CNTN4: variants seen among roughly 807,000 people sequenced by gnomAD.
CNTN4 encodes contactin 4.
In CNTN4, 77 loss-of-function variants were observed where a neutral mutation model predicts 122.5. The observed-to-expected ratio is 0.63, with a 90% CI of 0.52 to 0.76. The LOEUF is 0.76. Among genes scored for constraint, CNTN4 ranks in the 30% least tolerant of loss-of-function variants. CNTN4 has a pLI of 0.00. For missense variants in CNTN4, 1,256 were observed against 1,259.1 expected (o/e 1.00, Z 0.04); for synonymous variants, 512 against 447.0 (o/e 1.15, Z -1.83).
At chr3:2,119,343 T>G (rs1293584091) in intron 2 of CNTN4, among the ~76,000 whole-genome samples, 2 of 152,244 alleles carry the variant, frequency 1.3e-5, no homozygotes. Flanking sequence ...GTTTTGTTTC[T>G]GTGGAGAACC....
chr3:2,285,523 A>T (rs2041870965), intron 2 of CNTN4, among the ~76,000 whole-genome samples: 1 of 152,050 alleles, frequency 6.6e-6, no homozygotes. Context: ...ATATTTAAGT[A>T]TTCTGCTATG....
intron 3 of CNTN4, among the ~76,000 whole-genome samples, chr3:2,524,653 T>C (rs762209363): frequency 3.9e-5 from 6 of 152,154 alleles, no homozygotes; most frequent in Non-Finnish European, 8.8e-5. Flanking sequence ...CTTATTTTTT[T>C]AGTCTCTATA....
chr3:2,858,314 C>G (rs1367096380), intron 7 of CNTN4, among the ~76,000 whole-genome samples: 1 of 152,230 alleles, frequency 6.6e-6, no homozygotes, highest in African/African-American at 2.4e-5. Context: ...ACAAGCCTTT[C>G]CAGTGATTGT....
At chr3:2,832,958 A>T (rs1395606689) in intron 7 of CNTN4, among the ~76,000 whole-genome samples, 2 of 151,574 alleles carry the variant, frequency 1.3e-5, no homozygotes, top group Admixed American at 1.3e-4. Flanking sequence ...TATGTAAATG[A>T]ATAATAAAAT....
chr3:2,432,187 C>G (rs779178318), intron 3 of CNTN4, among the ~76,000 whole-genome samples: 1 of 152,214 alleles, frequency 6.6e-6, no homozygotes, highest in Non-Finnish European at 1.5e-5. Context: ...AACTAAACAT[C>G]TGCCATTGCC....
At chr3:2,575,404 G>A (rs1028452771) in intron 4 of CNTN4, among the ~76,000 whole-genome samples, 3 of 151,934 alleles carry the variant, frequency 2.0e-5, no homozygotes, top group Non-Finnish European at 4.4e-5. Flanking sequence ...TCAGCTGCTC[G>A]GGAGGCTGAG....
At position 2,467,419 on chromosome 3, in the gene CNTN4, G is replaced by A. The variant is rs530197897; in HGVS notation, c.-88-103997G>A. Among the ~76,000 whole-genome samples, 5 of 152,222 alleles carry A rather than the reference G, an allele frequency of 3.3e-5. No individual in the cohort carries two copies. In the South Asian group the frequency reaches 1.0e-3, roughly 32 times the overall value. ...TCAACATATTTTTTGGTAAGTCACA[G>A]CAAAATTGAGTTACATGTGTGAAAT... On this transcript the variant is annotated intron_variant, in intron 3 of 24. Transcript: ENST00000418658.
chr3:2,243,260 G>C (rs1435078918), intron 2 of CNTN4, among the ~76,000 whole-genome samples: 1 of 152,106 alleles, frequency 6.6e-6, no homozygotes, highest in African/African-American at 2.4e-5. Context: ...ACTTTACTTT[G>C]TAACTGTATG....
intron 2 of CNTN4, among the ~76,000 whole-genome samples, chr3:2,147,112 C>G (rs1049806278): frequency 6.6e-6 from 1 of 152,110 alleles, no homozygotes; most frequent in African/African-American, 2.4e-5. Flanking sequence ...ATCTCTTGAC[C>G]TCGTGATCCA....
At chr3:2,616,934 C>T (rs878957960) in intron 4 of CNTN4, among the ~76,000 whole-genome samples, 13 of 152,094 alleles carry the variant, frequency 8.5e-5, no homozygotes, top group African/African-American at 2.9e-4. Context: ...AACTGGCTAG[C>T]CATACGCAGA....
At chr3:2,705,287 G>A (rs1427948929) in intron 4 of CNTN4, among the ~76,000 whole-genome samples, 1 of 144,276 alleles carries the variant, frequency 6.9e-6, no homozygotes, top group South Asian at 2.1e-4. Flanking sequence ...AGAATGGCGG[G>A]AACCTAGGAG....
intron 2 of CNTN4, among the ~76,000 whole-genome samples, chr3:2,187,627 G>GT (rs1170739089): frequency 6.6e-6 from 1 of 152,160 alleles, no homozygotes; most frequent in Non-Finnish European, 1.5e-5. Context: ...TTCCGTCTTA[G>GT]TTGTAGTGTG....
At chr3:2,779,427 G>A (rs112721834) in intron 6 of CNTN4, among the ~76,000 whole-genome samples, 6,127 of 152,182 alleles carry the variant, frequency 0.04, 372 homozygotes, top group African/African-American at 0.13. Flanking sequence ...TTGAATTCCT[G>A]GGCTCAAGCA....
intron 4 of CNTN4, among the ~76,000 whole-genome samples, chr3:2,644,437 CTCTTG>C (rs1338737059): frequency 6.6e-6 from 1 of 152,088 alleles, no homozygotes; most frequent in Non-Finnish European, 1.5e-5. Flanking sequence ...TTCAGAAACT[CTCTTG>C]AGTCTCAGAG....
At chr3:2,451,568 A>G (rs887156154) in intron 3 of CNTN4, among the ~76,000 whole-genome samples, 1 of 151,834 alleles carries the variant, frequency 6.6e-6, no homozygotes, top group Admixed American at 6.6e-5. Flanking sequence ...TTAAGGAATT[A>G]CCAGTTTTTT....
At chr3:2,479,616 G>A (rs1186752820) in intron 3 of CNTN4, among the ~76,000 whole-genome samples, 2 of 152,192 alleles carry the variant, frequency 1.3e-5, no homozygotes, top group Non-Finnish European at 2.9e-5. Flanking sequence ...GTGAGGAACT[G>A]GGGGAGGGAC....
At chr3:2,463,124 G>C (rs552001791) in intron 3 of CNTN4, among the ~76,000 whole-genome samples, 1 of 152,028 alleles carries the variant, frequency 6.6e-6, no homozygotes, top group South Asian at 2.1e-4. Context: ...GACTAAAAGT[G>C]TCTTGTCCAA....
chr3:2,793,881 G>T (rs2092089413), intron 6 of CNTN4, among the ~76,000 whole-genome samples: 1 of 152,130 alleles, frequency 6.6e-6, no homozygotes, highest in Non-Finnish European at 1.5e-5. Context: ...CCATTCCTAT[G>T]AAAGAATCTT....
At chr3:2,384,894 C>A (rs2046186071) in intron 3 of CNTN4, among the ~76,000 whole-genome samples, 2 of 151,874 alleles carry the variant, frequency 1.3e-5, no homozygotes, top group Admixed American at 1.3e-4. Context: ...TGTTAGTGCA[C>A]TGCCTTAAGC....
Sources: gnomAD v4.1 joint callset for allele counts (sites outside exome capture counted in the v4.1 genomes callset) on GRCh38, gnomAD v4.1.1 for gene constraint, MANE v1.5 for transcripts, NCBI Gene and HGNC (gene_info 2026-07-23, HGNC 2026-07-21) for gene names.